The following NRG3 variants were observed in gnomAD, a reference collection of about 807,000 sequenced individuals.
NRG3 encodes neuregulin 3, also known as pro-neuregulin-3, membrane-bound isoform.
In NRG3, 31 loss-of-function variants were observed where a neutral mutation model predicts 66.9. The ratio of observed to expected loss-of-function variants is 0.46; its 90% confidence interval spans 0.35 to 0.63. The LOEUF is 0.63. Among genes scored for constraint, NRG3 ranks in the 20% least tolerant of loss-of-function variants. The pLI is 0.00. For missense variants in NRG3, 910 were observed against 878.9 expected, an observed-to-expected ratio of 1.04 and a Z score of -0.45; for synonymous variants, 393 against 359.4, an observed-to-expected ratio of 1.09 and a Z score of -1.06.
Position 82,966,305 on chromosome 10 carries a change from G to C in NRG3, c.1284+7230G>C, listed in dbSNP as rs11196668. On this transcript the variant is annotated intron_variant, in intron 6 of 8. Coordinates refer to ENST00000372141, the MANE Select transcript of NRG3 (RefSeq NM_001010848.4). ...AGGTTCCCCTTACCTGTGACAGTTT[G>C]TTGATTTTTTCTTTTTATGATGACC... Among the ~76,000 whole-genome samples the C allele has an allele frequency of 3.1e-3, 470 of 152,138 alleles. 11 individuals are homozygous for C. The East Asian group carries it at 0.052, about 17-fold the overall frequency.
At chr10:82,353,357 C>T (rs1029027029) in intron 1 of NRG3, among the ~76,000 whole-genome samples, 16 of 152,142 alleles carry the variant, frequency 1.1e-4, no homozygotes, top group African/African-American at 3.1e-4. Context: ...AACCAGTCAT[C>T]GTTTCAATTC....
chr10:82,444,091 A>C lies in NRG3; in HGVS notation c.953+85223A>C, dbSNP rs1221204881. Among the ~76,000 whole-genome samples the C allele has an allele frequency of 2.0e-5, 3 of 152,274 alleles. No individual in the cohort carries two copies. The East Asian group carries it at 5.8e-4, about 29-fold the overall frequency. On this transcript the variant is annotated intron_variant, in intron 2 of 8. Coordinates refer to ENST00000372141, the MANE Select transcript of NRG3 (RefSeq NM_001010848.4). ...AATTAACATGTTCATTCTCTTAAAA[A>C]AAATTTGTTGTTTGTTTGTTTTTGT... is the stretch of plus-strand genomic sequence containing the variant.
chr10:82,294,713 G>T (rs1264034150), intron 1 of NRG3, among the ~76,000 whole-genome samples: 2 of 152,016 alleles, frequency 1.3e-5, no homozygotes, highest in African/African-American at 4.8e-5. Flanking sequence ...ACTACCTTGG[G>T]TTCTTCTGTG....
At chr10:82,358,620 A>G in intron 1 of NRG3, 119 bp from the exon 2 acceptor site, 1 of 1,375,490 alleles carries the variant, frequency 7.3e-7, no homozygotes, top group Non-Finnish European at 1.0e-6. Context: ...GTCTGTCTAG[A>G]GTCCCAGAGG....
At chr10:82,017,096 C>T in intron 1 of NRG3, among the ~76,000 whole-genome samples, 1 of 152,126 alleles carries the variant, frequency 6.6e-6, no homozygotes, top group East Asian at 1.9e-4. Flanking sequence ...CTCCCCACCC[C>T]ACAACAGGCC....
intron 2 of NRG3, among the ~76,000 whole-genome samples, chr10:82,479,268 C>G (rs1842030491): frequency 6.6e-6 from 1 of 151,938 alleles, no homozygotes; most frequent in South Asian, 2.1e-4. Context: ...ACCTTTAACT[C>G]AGGGTTATTA....
chr10:82,454,458 T>C (rs1328149715), intron 2 of NRG3, among the ~76,000 whole-genome samples: 1 of 151,286 alleles, frequency 6.6e-6, no homozygotes, highest in South Asian at 2.1e-4. Flanking sequence ...TTAAAAAAAA[T>C]AAAAAAATGC....
intron 1 of NRG3, among the ~76,000 whole-genome samples, chr10:81,993,493 C>G (rs1241023253): frequency 6.6e-6 from 1 of 152,036 alleles, no homozygotes; most frequent in African/African-American, 2.4e-5. Context: ...CCTACAGATG[C>G]ATGCCACCAC....
Position 82,025,236 on chromosome 10 carries a change from T to A in NRG3, c.823+149073T>A, listed in dbSNP as rs1310576000. Among the ~76,000 whole-genome samples the A allele has an allele frequency of 2.0e-5, 3 of 150,500 alleles. No homozygotes were observed. The East Asian group carries it at 5.8e-4, about 29-fold the overall frequency. The stretch of plus-strand genomic sequence containing the variant: ...CATATATTTCTTATAATATTAAATA[T>A]CTTATTAATATTTTATATCTTACAC... On this transcript the variant is annotated intron_variant, in intron 1 of 8. Coordinates refer to ENST00000372141, the MANE Select transcript of NRG3 (RefSeq NM_001010848.4).
chr10:81,948,743 G>GCCCATCCTCATTT (rs1849070911), intron 1 of NRG3, among the ~76,000 whole-genome samples: 2 of 152,138 alleles, frequency 1.3e-5, no homozygotes, highest in Admixed American at 1.3e-4. Flanking sequence ...CAACCTATAG[G>GCCCATCCTCATTT]CCCATCCTCA....
intron 2 of NRG3, among the ~76,000 whole-genome samples, chr10:82,386,936 T>G (rs1355018875): frequency 6.6e-6 from 1 of 152,016 alleles, no homozygotes; most frequent in African/African-American, 2.4e-5. Context: ...AGTAGCTGGG[T>G]TTACAGGCAC....
chr10:82,792,619 G>T (rs1342019686), intron 3 of NRG3, among the ~76,000 whole-genome samples: 1 of 151,920 alleles, frequency 6.6e-6, no homozygotes, highest in East Asian at 1.9e-4. Context: ...TCTATATTGT[G>T]ACTAGTTTTT....
rs535519074 is a variant in NRG3 at position 81,957,164 on chromosome 10, G to A, written c.823+81001G>A. 1.1e-4 allele frequency among the ~76,000 whole-genome samples: 17 copies of A among 152,246 alleles called. No individual in the cohort carries two copies. The South Asian group carries it at 3.5e-3, about 32-fold the overall frequency. On this transcript the variant is annotated intron_variant, in intron 1 of 8. Coordinates refer to ENST00000372141, the MANE Select transcript of NRG3 (RefSeq NM_001010848.4). ...CTAGGTGATGGCAAAACTTGAAGGT[G>A]GAGGCAGCCTAGGTCCCTGAATCAC...
rs139305743 is a variant in NRG3 at position 82,251,558 on chromosome 10, G to C, written c.824-107181G>C. Among the ~76,000 whole-genome samples the C allele has an allele frequency of 5.2e-4, 79 of 152,262 alleles. 1 individual carries two copies. Among genetic ancestry groups the C allele is most frequent in the Middle Eastern group, 6.8e-3 (2 of 294 alleles). On this transcript the variant is annotated intron_variant, in intron 1 of 8. Coordinates refer to ENST00000372141, the MANE Select transcript of NRG3 (RefSeq NM_001010848.4). ...GCTTCGTGATCCTGACCACAGTCTT[G>C]TCACCTGCTTGGCCTGAGAAGCATG...
chr10:82,029,081 C>T (rs545097060), intron 1 of NRG3, among the ~76,000 whole-genome samples: 43 of 152,050 alleles, frequency 2.8e-4, no homozygotes, highest in South Asian at 1.0e-3. Context: ...TGGTCGTGGG[C>T]GCTTGTAATC....
At chr10:82,668,661 G>A (rs774607373) in intron 2 of NRG3, among the ~76,000 whole-genome samples, 1 of 152,180 alleles carries the variant, frequency 6.6e-6, no homozygotes, top group Non-Finnish European at 1.5e-5. Flanking sequence ...CATGCTCTGT[G>A]TAGAGACTGA....
intron 5 of NRG3, among the ~76,000 whole-genome samples, chr10:82,953,974 T>G: frequency 6.9e-6 from 1 of 144,216 alleles, no homozygotes; most frequent in Non-Finnish European, 1.5e-5. Flanking sequence ...AAAAAAACAA[T>G]GCAATCACAG....
chr10:82,546,480 CCTT>C (rs2043926617), intron 2 of NRG3, among the ~76,000 whole-genome samples: 1 of 151,930 alleles, frequency 6.6e-6, no homozygotes, highest in African/African-American at 2.4e-5. Flanking sequence ...CCAACCATTG[CCTT>C]CTTTATATGT....
intron 2 of NRG3, among the ~76,000 whole-genome samples, chr10:82,395,838 T>C (rs2086680307): frequency 6.6e-6 from 1 of 152,164 alleles, no homozygotes; most frequent in African/African-American, 2.4e-5. Context: ...ATAGGAGAAA[T>C]TATTATTGCC....
Sources: allele counts gnomAD v4.1 joint callset (sites outside exome capture counted in the v4.1 genomes callset), GRCh38; gene constraint gnomAD v4.1.1; transcripts MANE v1.5; gene names NCBI Gene and HGNC (gene_info 2026-07-23, HGNC 2026-07-21).